The following CDH18 variants were observed in gnomAD, a reference collection of about 807,000 sequenced individuals.
CDH18 encodes cadherin-18.
Under a neutral mutation model 67.9 loss-of-function variants are expected in CDH18, and 31 were observed. The observed-to-expected ratio is 0.46, with a 90% CI of 0.34 to 0.62. CDH18 has a LOEUF of 0.62. Ranked by LOEUF, CDH18 falls within the 20% of genes least tolerant of loss-of-function variation. CDH18 has a pLI of 0.01. For missense variants in CDH18, 890 were observed against 975.5 expected (o/e 0.91, Z 1.17); for synonymous variants, 362 against 347.2 (o/e 1.04, Z -0.48).
At chr5:19,476,901 G>A (rs1579667726) in intron 12 of CDH18, among the ~76,000 whole-genome samples, 1 of 151,656 alleles carries the variant, frequency 6.6e-6, no homozygotes, top group South Asian at 2.1e-4. Flanking sequence ...GAAATACAGG[G>A]ATAATCCTGG....
intron 2 of CDH18, among the ~76,000 whole-genome samples, chr5:19,952,330 T>G (rs1795874312): frequency 6.6e-6 from 1 of 152,202 alleles, no homozygotes; most frequent in African/African-American, 2.4e-5. Flanking sequence ...ATCACAGGCA[T>G]GAACCACTGC....
At chr5:19,678,818 C>T (rs925938179) in intron 5 of CDH18, among the ~76,000 whole-genome samples, 8 of 151,838 alleles carry the variant, frequency 5.3e-5, no homozygotes, top group African/African-American at 1.9e-4. Flanking sequence ...AAAAGCCTAC[C>T]AATCAGAAAA....
intron 4 of CDH18, among the ~76,000 whole-genome samples, chr5:19,741,101 T>A (rs1488625920): frequency 6.7e-6 from 1 of 148,568 alleles, no homozygotes; most frequent in Non-Finnish European, 1.5e-5. Flanking sequence ...TGTATGCGTA[T>A]ATATATACTT....
rs113999750 is a variant in CDH18, at chr5:19,715,580, A to G, written c.643+5767T>C. On this transcript the variant is annotated intron_variant, in intron 5 of 12. Coordinates refer to ENST00000382275, the MANE Select transcript of CDH18 (RefSeq NM_004934.5). ...ACAGATTATCATTCACAATTTTCCA[A>G]TGGTATATTTCTCTTATTTATCATG... Among the ~76,000 whole-genome samples the G allele has an allele frequency of 4.3e-3, 655 of 152,188 alleles. 2 individuals are homozygous for G. The highest frequency in any genetic ancestry group is 5.8e-3 in the Non-Finnish European group (394 of 68,016).
chr5:19,859,295 C>T (rs62352167), intron 2 of CDH18, among the ~76,000 whole-genome samples: 4 of 151,886 alleles, frequency 2.6e-5, no homozygotes, highest in Non-Finnish European at 5.9e-5. Context: ...TTAAGACTGA[C>T]AAAACAGACT....
At chr5:20,152,946 T>G (rs1162138235) in intron 2 of CDH18, among the ~76,000 whole-genome samples, 2 of 150,484 alleles carry the variant, frequency 1.3e-5, no homozygotes, top group Non-Finnish European at 3.0e-5. Flanking sequence ...GGAATTTTTT[T>G]TTTTTTTTTT....
chr5:20,086,737 C>G (rs898969613), intron 2 of CDH18, among the ~76,000 whole-genome samples: 1 of 152,196 alleles, frequency 6.6e-6, no homozygotes, highest in African/African-American at 2.4e-5. Context: ...TTTAAGCCCA[C>G]TGTTGAGACC....
chr5:19,808,533 C>T (rs1371911493), intron 3 of CDH18, among the ~76,000 whole-genome samples: 2 of 151,918 alleles, frequency 1.3e-5, no homozygotes, highest in East Asian at 3.9e-4. Context: ...TGTTGAAATA[C>T]ATCAGTCTAA....
chr5:20,463,812 A>G (rs1263175452), intron 1 of CDH18, among the ~76,000 whole-genome samples: 2 of 152,162 alleles, frequency 1.3e-5, no homozygotes, highest in East Asian at 1.9e-4. Flanking sequence ...AAATTTGGTC[A>G]TATTTTTTGG....
intron 11 of CDH18, 190 bp downstream of exon 11, chr5:19,502,802 C>A: frequency 3.5e-6 from 2 of 577,824 alleles, no homozygotes; most frequent in South Asian, 4.6e-5. Context: ...TGAATAAATT[C>A]AATGAAAGTT....
chr5:20,304,439 T>C, intron 1 of CDH18: 1 of 1,501,820 alleles, frequency 6.7e-7, no homozygotes, highest in Admixed American at 1.7e-5. Flanking sequence ...ATTCTCTTCT[T>C]CATCTCCACC....
At chr5:20,460,113 G>T (rs1751142850) in intron 1 of CDH18, among the ~76,000 whole-genome samples, 4 of 152,032 alleles carry the variant, frequency 2.6e-5, no homozygotes, top group Admixed American at 1.3e-4. Flanking sequence ...ACATGTGGCA[G>T]GCCGGGCGCA....
chr5:19,488,311 C>G (rs1450572312), intron 11 of CDH18, among the ~76,000 whole-genome samples: 3 of 152,128 alleles, frequency 2.0e-5, no homozygotes, highest in African/African-American at 7.2e-5. Flanking sequence ...GACACCTACT[C>G]TCAGTTATAT....
At chr5:19,582,894 C>A (rs373056618) in intron 7 of CDH18, among the ~76,000 whole-genome samples, 28 of 151,216 alleles carry the variant, frequency 1.9e-4, no homozygotes, top group African/African-American at 6.8e-4. Context: ...TAAACACAAT[C>A]CACTAAAAGA....
chr5:20,437,140 T>A (rs13188316), intron 1 of CDH18, among the ~76,000 whole-genome samples: 32,195 of 150,956 alleles, frequency 0.21, 3,772 homozygotes, highest in East Asian at 0.3. Flanking sequence ...AGTAATACAT[T>A]GCTTAGGAAA....
intron 1 of CDH18, among the ~76,000 whole-genome samples, chr5:20,555,066 T>C (rs1297980485): frequency 2.0e-5 from 3 of 152,198 alleles, no homozygotes; most frequent in Admixed American, 2.0e-4. Context: ...CCCAGTGTTT[T>C]GGCATTTAGA....
In CDH18 at chr5:20,553,088, C is replaced by T. The variant is rs140822990; in HGVS notation, c.-580+22374G>A. On this transcript the variant is annotated intron_variant, in intron 1 of 14. Coordinates refer to the CDH18 transcript ENST00000507958. ...TTTTTCTAACATCAAGATTCTTGTC[C>T]AAGTTTTCTAAAAATAAATTTTAAT... is the stretch of plus-strand genomic sequence containing the variant. 1.6e-3 allele frequency among the ~76,000 whole-genome samples: 238 copies of T among 152,086 alleles called. 3 individuals are homozygous for T. Among genetic ancestry groups the T allele is most frequent in the African/African-American group, 5.2e-3 (217 of 41,518 alleles).
At chr5:19,601,223 G>A (rs1747077198) in intron 6 of CDH18, among the ~76,000 whole-genome samples, 1 of 152,080 alleles carries the variant, frequency 6.6e-6, no homozygotes, top group Non-Finnish European at 1.5e-5. Flanking sequence ...AAATTGATTG[G>A]CTAAGAAAGA....
chr5:20,304,974 C>G, intron 1 of CDH18: 1 of 1,613,952 alleles, frequency 6.2e-7, no homozygotes, highest in African/African-American at 1.3e-5. Context: ...AGGCGGCCAA[C>G]TGCTTGTGAT....
Sources: allele counts gnomAD v4.1 joint callset (sites outside exome capture counted in the v4.1 genomes callset), GRCh38; gene constraint gnomAD v4.1.1; transcripts MANE v1.5; gene names NCBI Gene and HGNC (gene_info 2026-07-23, HGNC 2026-07-21).